Variants in MEP1A observed in about 807,000 individuals in gnomAD.
MEP1A encodes the protein meprin A subunit alpha, also known as N-benzoyl-L-tyrosyl-P-amino-benzoic acid hydrolase subunit alpha.
A neutral mutation model predicts 84.5 loss-of-function variants in MEP1A; 68 were observed. The ratio of observed to expected loss-of-function variants is 0.80; its 90% confidence interval spans 0.66 to 0.98. The LOEUF is 0.98. Among genes scored for constraint, MEP1A ranks in the 50% least tolerant of loss-of-function variants. MEP1A has a pLI of 0.00. For missense variants in MEP1A, 887 were observed against 919.9 expected (o/e 0.96, Z 0.46); for synonymous variants, 337 against 336.8 (o/e 1.00, Z -0.01).
chr6:46,824,874 CTATTTAAATATATATAAATTATA>C (rs1283338085), intron 7 of MEP1A, among the ~76,000 whole-genome samples: 1 of 52,086 alleles, frequency 1.9e-5, no homozygotes, highest in Non-Finnish European at 3.0e-5. Flanking sequence ...TTAAATAGAT[CTATTTAAATATATATAAATTATA>C]TATATAAATT....
intron 6 of MEP1A, among the ~76,000 whole-genome samples, chr6:46,812,397 T>C (rs965735843): frequency 2.0e-5 from 3 of 152,170 alleles, no homozygotes; most frequent in African/African-American, 7.2e-5. Flanking sequence ...AATCTATCAA[T>C]TTTATTTATT....
Position 46,819,679 on chromosome 6 carries a change from C to T in MEP1A, c.531C>T (p.Asn177=). ...QSRTDRDDYV[N]IWWDQILSGY... is the part of the protein sequence containing the mutation. Reference sequence around the variant, plus strand: ...GGACGGACCGGGATGATTATGTGAACATCTGGTGGGACCAAATTCTTTCAG... The same window carrying T: ...GGACGGACCGGGATGATTATGTGAATATCTGGTGGGACCAAATTCTTTCAG... The change falls in exon 7 of 14, where the codon AAC becomes AAT. Residue 177 remains asparagine, a synonymous_variant. Coordinates refer to ENST00000230588, the MANE Select transcript of MEP1A (RefSeq NM_005588.3). The T allele has an allele frequency of 1.2e-6, 2 of 1,613,820 alleles. No individual in the cohort carries two copies. Among genetic ancestry groups the T allele is most frequent in the Non-Finnish European group, 1.7e-6 (2 of 1,179,908 alleles).
In MEP1A at chr6:46,793,719, G is replaced by A. The variant is rs1301486876; in HGVS notation, c.145+3G>A. On this transcript the variant is annotated splice_donor_region_variant and intron_variant, in intron 3 of 13. Coordinates refer to ENST00000230588, the MANE Select transcript of MEP1A (RefSeq NM_005588.3). ...GGATATTTCAGAAATCAATTTAGGT[G>A]AGTTCAATTTTTGTGTTATTAAAGT... The A allele has an allele frequency of 7.5e-6, 12 of 1,602,852 alleles. No homozygotes were observed. The highest frequency in any genetic ancestry group is 1.0e-5 in the Non-Finnish European group (12 of 1,170,864).
intron 6 of MEP1A, among the ~76,000 whole-genome samples, chr6:46,811,637 G>A (rs1017668632): frequency 6.6e-6 from 1 of 151,902 alleles, no homozygotes; most frequent in Admixed American, 6.6e-5. Context: ...TTACCTTAAG[G>A]TATGTCCTTT....
intron 6 of MEP1A, among the ~76,000 whole-genome samples, chr6:46,815,825 A>C (rs1170229934): frequency 1.3e-5 from 2 of 152,230 alleles, no homozygotes; most frequent in African/African-American, 4.8e-5. Flanking sequence ...CTTAGGAAAA[A>C]AAATGCAAAA....
At chr6:46,829,272 G>A in intron 9 of MEP1A, 84 bp from the exon 10 acceptor site, 3 of 1,102,428 alleles carry the variant, frequency 2.7e-6, no homozygotes, top group Non-Finnish European at 4.1e-6. Flanking sequence ...AATGGCTGTG[G>A]TTCACTATTT....
At chr6:46,803,930 A>G (rs1392687098) in intron 5 of MEP1A, among the ~76,000 whole-genome samples, 2 of 151,736 alleles carry the variant, frequency 1.3e-5, no homozygotes, top group Non-Finnish European at 3.0e-5. Context: ...GCATTTTACA[A>G]TAGTATAATT....
chr6:46,797,793 T>TCTTA (rs1321196683), intron 3 of MEP1A, among the ~76,000 whole-genome samples: 3 of 3,890 alleles, frequency 7.7e-4, no homozygotes, highest in Non-Finnish European at 1.4e-3. Context: ...TCTTTCTTTC[T>TCTTA]CTTTCTTTCT....
At chr6:46,796,900 T>A (rs544312376) in intron 3 of MEP1A, among the ~76,000 whole-genome samples, 1 of 152,326 alleles carries the variant, frequency 6.6e-6, no homozygotes, top group Non-Finnish European at 1.5e-5. Flanking sequence ...CAGAACAAAG[T>A]CCCTCTGTTT....
At chr6:46,807,811 GAA>G (rs1767394136) in intron 5 of MEP1A, among the ~76,000 whole-genome samples, 1 of 149,000 alleles carries the variant, frequency 6.7e-6, no homozygotes, top group Non-Finnish European at 1.5e-5. Context: ...AAGAAAGAAA[GAA>G]AGAAAGAAAG....
intron 5 of MEP1A, among the ~76,000 whole-genome samples, chr6:46,800,951 T>C (rs770001736): frequency 6.6e-6 from 1 of 152,214 alleles, no homozygotes; most frequent in Admixed American, 6.5e-5. Flanking sequence ...CTTTGACTTA[T>C]GTTTTTTAAG....
At chr6:46,827,022 A>C (rs1352128778) in intron 9 of MEP1A, among the ~76,000 whole-genome samples, 1 of 152,254 alleles carries the variant, frequency 6.6e-6, no homozygotes, top group Non-Finnish European at 1.5e-5. Flanking sequence ...TTTCAGGCTA[A>C]GTATTTTAAA....
downstream of MEP1A, among the ~76,000 whole-genome samples, chr6:46,842,470 G>A (rs1378677783): frequency 6.6e-6 from 1 of 152,144 alleles, no homozygotes; most frequent in African/African-American, 2.4e-5. Flanking sequence ...GTCTTATGCA[G>A]TTGAGATAAG....
At chr6:46,838,037 G>A (rs1768255967) in intron 13 of MEP1A, among the ~76,000 whole-genome samples, 1 of 151,012 alleles carries the variant, frequency 6.6e-6, no homozygotes. Context: ...GATTACAGGT[G>A]CCCACCACCA....
chr6:46,837,774 G>GA (rs1467249082), intron 13 of MEP1A, among the ~76,000 whole-genome samples: 35 of 151,960 alleles, frequency 2.3e-4, no homozygotes, highest in African/African-American at 8.0e-4. Context: ...GACTGGGTCA[G>GA]AAAAAAATGA....
In MEP1A at chr6:46,829,521, A is replaced by T. The variant is rs775604131; in HGVS notation, c.1094A>T (p.Asp365Val). Residue 365 changes from aspartate to valine, a missense_variant, in exon 10 of 14, where the codon GAT becomes GTT. Coordinates refer to ENST00000230588, the MANE Select transcript of MEP1A (RefSeq NM_005588.3). ...AGACTCGTTGTCTGGGTCAGGAGGG[A>T]TGACAGCACAGGCAATGTTCGCAAG... is the stretch of plus-strand genomic sequence containing the variant. ...SDRLVVWVRR[D>V]DSTGNVRKLV... is the part of the protein sequence containing the mutation. 1 of 1,614,152 alleles carries T rather than the reference A, an allele frequency of 6.2e-7. No homozygotes were observed. The highest frequency in any genetic ancestry group is 1.7e-5 in the Admixed American group (1 of 60,020).
downstream of MEP1A, chr6:46,839,930 G>T (rs1236450522): frequency 6.6e-6 from 1 of 151,686 alleles, no homozygotes; most frequent in Admixed American, 6.6e-5. Context: ...ACAAACTGAA[G>T]GTATCAGAGA....
Position 46,834,586 on chromosome 6 carries a change from G to C in MEP1A, c.1618G>C (p.Asp540His). ...TACCTACAACTTTGCAGCGATAAAT[G>C]ACACTGTCATCTGGGACAGGCCGTC... ...SKSHTSPAIN[D>H]TVIWDRPSRV... Residue 540 changes from aspartate (D) to histidine (H), a missense_variant, in exon 12 of 14, where the codon GAC becomes CAC. Coordinates refer to ENST00000230588, the MANE Select transcript of MEP1A (RefSeq NM_005588.3). The C allele has an allele frequency of 6.2e-7, 1 of 1,605,090 alleles. No individual in the cohort carries two copies. The highest frequency in any genetic ancestry group is 8.5e-7 in the Non-Finnish European group (1 of 1,176,514).
At chr6:46,800,837 T>C (rs1175414968) in intron 5 of MEP1A, among the ~76,000 whole-genome samples, 1 of 152,204 alleles carries the variant, frequency 6.6e-6, no homozygotes, top group African/African-American at 2.4e-5. Context: ...ACCACCATTC[T>C]GATTTTCCCC....
Sources: gnomAD v4.1 joint callset for allele counts (sites outside exome capture counted in the v4.1 genomes callset) on GRCh38, gnomAD v4.1.1 for gene constraint, MANE v1.5 for transcripts, NCBI Gene and HGNC (gene_info 2026-07-23, HGNC 2026-07-21) for gene names.